Variants in RS1 observed in about 807,000 individuals in gnomAD.
The protein encoded by RS1 is retinoschisin.
Under a neutral mutation model 20.8 loss-of-function variants are expected in RS1, and 2 were observed. The ratio of observed to expected loss-of-function variants is 0.10; its 90% CI spans 0.04 to 0.30. The LOEUF is 0.30. Ranked by LOEUF, RS1 falls within the 10% of genes least tolerant of loss-of-function variation. The pLI is 1.00. For missense variants in RS1, 151 were observed against 189.8 expected (o/e 0.80, Z 1.20); for synonymous variants, 70 against 75.8 (o/e 0.92, Z 0.40).
intron 4 of RS1, chrX:18,646,109 A>C (rs375809338): frequency 1.7e-6 from 2 of 1,211,500 alleles, no homozygotes. Context: ...TGGGCCCCGC[A>C]TGCCATCAAG....
rs776300077 is a variant in RS1, at chrX:18,652,365, T to C, written c.184+4288A>G. On this transcript the variant is annotated intron_variant, in intron 3 of 5. Coordinates refer to ENST00000379984, the MANE Select transcript of RS1 (RefSeq NM_000330.4). ...CTAGAAGGCAACATAAATAGTGTTG[T>C]GAAAGAATTAAGGGGATCCAAGGCT... is the stretch of plus-strand genomic sequence containing the variant. Among the ~76,000 whole-genome samples, 11 of 112,166 alleles carry C rather than the reference T, an allele frequency of 9.8e-5. No homozygotes were observed. In the South Asian group the frequency reaches 3.7e-3, roughly 38 times the overall value.
In RS1 at chrX:18,644,564, TCTC is replaced by T. The variant is rs1927702371; in HGVS notation, c.385_387del (p.Glu129del). ...GTGAGGATCCCTGAAATCACTTTGA[TCTC>T]CTTCAGATCTATCTGTAACCACTGG... On this transcript the variant is annotated inframe_deletion, in exon 5 of 6. Transcript: ENST00000379984. 8.3e-7 allele frequency: 1 copy of T among 1,211,487 alleles called. No homozygotes were observed.
chrX:18,645,071 G>A (rs1927723037), intron 4 of RS1, among the ~76,000 whole-genome samples: 2 of 112,225 alleles, frequency 1.8e-5, no homozygotes, highest in Non-Finnish European at 3.8e-5. Flanking sequence ...TTCCTGCCTC[G>A]TGCAGAGCAC....
intron 2 of RS1, 23 bp from the exon 3 acceptor site, chrX:18,656,781 G>A (rs1487034067): frequency 8.6e-7 from 1 of 1,166,823 alleles, no homozygotes; most frequent in South Asian, 1.8e-5. Flanking sequence ...AGAGAGGCAG[G>A]GCAGAAAAGT....
Position 18,644,473 on chromosome X carries a change from C to A in RS1, c.479G>T (p.Arg160Leu). ...GTCCTTGTAGTAAATCCAGTTCAGGCGCTCATCGGTCCTGTACTGCACGCT... is the reference window on the plus strand; with the variant it reads ...GTCCTTGTAGTAAATCCAGTTCAGGAGCTCATCGGTCCTGTACTGCACGCT... ...KYSVQYRTDE[R>L]LNWIYYKDQT... Residue 160 changes from arginine to leucine, a missense_variant, in exon 5 of 6, where the codon CGC (arginine) becomes CTC (leucine). Arg to Leu is a moderately radical substitution (Grantham distance 102, BLOSUM62 -2). Transcript: ENST00000379984. The A allele has an allele frequency of 8.3e-7, 1 of 1,211,447 alleles. No individual in the cohort carries two copies. Among genetic ancestry groups the A allele is most frequent in the South Asian group, 1.8e-5 (1 of 56,960 alleles).
chrX:18,664,504 T>C (rs1048038789), intron 1 of RS1, among the ~76,000 whole-genome samples: 3 of 110,748 alleles, frequency 2.7e-5, no homozygotes, highest in Non-Finnish European at 3.8e-5. Context: ...GGTGCACACC[T>C]GTAGTCCCAG....
intron 5 of RS1, among the ~76,000 whole-genome samples, chrX:18,642,603 C>T (rs932346818): frequency 8.9e-6 from 1 of 112,400 alleles, no homozygotes; most frequent in Non-Finnish European, 1.9e-5. Context: ...ATCACACTTA[C>T]ATGTTCCAAA....
In RS1 at chrX:18,641,969, GT is replaced by G; in HGVS notation, c.*34del. 2 of 1,208,469 alleles carry G rather than the reference GT, an allele frequency of 1.7e-6. No homozygotes were observed. The highest frequency in any genetic ancestry group is 2.2e-6 in the Non-Finnish European group (2 of 894,163). On this transcript the variant is annotated 3_prime_UTR_variant, in exon 6 of 6. Transcript: ENST00000379984. Reference sequence around the variant, plus strand: ...GTCCCCTACGGCCCGCTCTGTGCCAGTCACCCCCTGGCAGGCGCCGAGCTGA... The same window carrying G: ...GTCCCCTACGGCCCGCTCTGTGCCAGCACCCCCTGGCAGGCGCCGAGCTGA...
At chrX:18,653,258 T>C (rs1482634177) in intron 3 of RS1, among the ~76,000 whole-genome samples, 2 of 111,932 alleles carry the variant, frequency 1.8e-5, no homozygotes, top group African/African-American at 6.5e-5. Flanking sequence ...TAATCTTGGC[T>C]CAACGGTGGA....
At chrX:18,661,000 C>T (rs1029728594) in intron 1 of RS1, among the ~76,000 whole-genome samples, 3 of 112,146 alleles carry the variant, frequency 2.7e-5, no homozygotes, top group Middle Eastern at 4.2e-3. Flanking sequence ...CCTTGTTCCA[C>T]TGGTTACTCA....
At chrX:18,665,883 CAAAAA>C (rs55857132) in intron 1 of RS1, among the ~76,000 whole-genome samples, 1 of 34,879 alleles carries the variant, frequency 2.9e-5, no homozygotes, top group African/African-American at 1.1e-4. Flanking sequence ...GACCCTGTCT[CAAAAA>C]AAAAAAAAAA....
rs200074383 is a variant in RS1, at chrX:18,644,425, C to A, written c.522+5G>T. On this transcript the variant is annotated splice_donor_5th_base_variant and intron_variant, in intron 5 of 5. Coordinates refer to ENST00000379984, the MANE Select transcript of RS1 (RefSeq NM_000330.4). ...TGAAGTTGGTTTGGGATAAGCCCAA[C>A]TTACCCGGTTGTTTCCAGTCTGGTC... The A allele has an allele frequency of 1.7e-6, 2 of 1,209,237 alleles. No individual in the cohort carries two copies. The highest frequency in any genetic ancestry group is 2.2e-6 in the Non-Finnish European group (2 of 894,855).
intron 4 of RS1, among the ~76,000 whole-genome samples, chrX:18,646,336 T>A (rs760743966): frequency 7.2e-5 from 8 of 111,408 alleles, no homozygotes; most frequent in Admixed American, 2.9e-4. Flanking sequence ...GTATTTTTAG[T>A]AGAGATGAGG....
intron 1 of RS1, among the ~76,000 whole-genome samples, chrX:18,660,109 T>C (rs1220793753): frequency 1.8e-5 from 2 of 111,744 alleles, no homozygotes; most frequent in Non-Finnish European, 3.8e-5. Context: ...AAAGCTCCTG[T>C]GCCATGTAAA....
At chrX:18,647,061 C>T in intron 4 of RS1, 130 bp downstream of exon 4, 1 of 707,468 alleles carries the variant, frequency 1.4e-6, no homozygotes, top group Admixed American at 2.7e-5. Context: ...GGATTACAGG[C>T]ACGTGCCACC....
intron 1 of RS1, among the ~76,000 whole-genome samples, chrX:18,669,775 C>T (rs914780437): frequency 8.9e-6 from 1 of 112,144 alleles, no homozygotes; most frequent in Non-Finnish European, 1.9e-5. Flanking sequence ...TGTCCTCTGT[C>T]CCCTGGAGCA....
At chrX:18,653,200 A>G (rs536827059) in intron 3 of RS1, among the ~76,000 whole-genome samples, 3 of 112,509 alleles carry the variant, frequency 2.7e-5, no homozygotes, top group African/African-American at 9.7e-5. Context: ...GATTTCTTAT[A>G]CTTTTGATAA....
chrX:18,662,788 C>T (rs1232764656), intron 1 of RS1, among the ~76,000 whole-genome samples: 13 of 109,610 alleles, frequency 1.2e-4, no homozygotes, highest in Non-Finnish European at 2.3e-4. Flanking sequence ...CCACCACACC[C>T]GGCTAATTTT....
At chrX:18,671,610 G>A (rs1444607420) in intron 1 of RS1, among the ~76,000 whole-genome samples, 2 of 111,670 alleles carry the variant, frequency 1.8e-5, no homozygotes, top group African/African-American at 6.5e-5. Flanking sequence ...GGTTACACCT[G>A]TCGTCCCAAC....
Sources: allele counts gnomAD v4.1 joint callset (sites outside exome capture counted in the v4.1 genomes callset), GRCh38; gene constraint gnomAD v4.1.1; transcripts MANE v1.5; gene names NCBI Gene and HGNC (gene_info 2026-07-23, HGNC 2026-07-21).